The following SMARCC1 variants were observed in gnomAD, a reference collection of about 807,000 sequenced individuals.
SMARCC1 encodes the protein SWI/SNF complex subunit SMARCC1.
In SMARCC1, 43 loss-of-function variants were observed where a neutral mutation model predicts 147.4. The ratio of observed to expected loss-of-function variants is 0.29; its 90% CI spans 0.23 to 0.38. The LOEUF (loss-of-function observed/expected upper bound fraction) is 0.38, where lower values mean the gene tolerates loss of function less well. SMARCC1 is among the 10% of genes least tolerant of loss of function. The pLI is 1.00. For synonymous variants in SMARCC1, 495 were observed against 484.4 expected (o/e 1.02, Z -0.29); for missense variants, 1,119 against 1,381.1 (o/e 0.81, Z 3.01).
At chr3:47,707,235 C>A (rs1245478301) in intron 9 of SMARCC1, among the ~76,000 whole-genome samples, 1 of 151,906 alleles carries the variant, frequency 6.6e-6, no homozygotes, top group Non-Finnish European at 1.5e-5. Flanking sequence ...CTGCTTGAAC[C>A]CGGTAGGCAA....
intron 13 of SMARCC1, 61 bp downstream of exon 13, chr3:47,689,326 C>G (rs747829951): frequency 8.9e-6 from 12 of 1,342,256 alleles, no homozygotes; most frequent in Admixed American, 6.7e-5. Flanking sequence ...AGTGCTTCTA[C>G]TGTTCGGTAC....
At chr3:47,720,584 A>G (rs2034220283) in intron 7 of SMARCC1, 82 bp downstream of exon 7, 1 of 942,358 alleles carries the variant, frequency 1.1e-6, no homozygotes, top group Admixed American at 2.1e-5. Context: ...AATTGTCACT[A>G]TTCAGAAAAT....
At chr3:47,739,457 T>C (rs1490457723) in intron 3 of SMARCC1, among the ~76,000 whole-genome samples, 1 of 152,150 alleles carries the variant, frequency 6.6e-6, no homozygotes, top group Non-Finnish European at 1.5e-5. Context: ...CTTGAGTAGC[T>C]GGGTCCATAG....
At chr3:47,754,284 C>A (rs535016193) in intron 2 of SMARCC1, among the ~76,000 whole-genome samples, 1 of 151,596 alleles carries the variant, frequency 6.6e-6, no homozygotes, top group Non-Finnish European at 1.5e-5. Flanking sequence ...CTCACTGCAA[C>A]CTCCGCCTCC....
chr3:47,625,295 A>G lies in SMARCC1; in HGVS notation c.2647-2954T>C, dbSNP rs1291724279. Among the ~76,000 whole-genome samples, 6 of 151,746 alleles carry G rather than the reference A, an allele frequency of 4.0e-5. No homozygotes were observed. The South Asian group carries it at 1.2e-3, about 32-fold the overall frequency. Reference sequence around the variant, plus strand: ...GCCAACATGGCAAAATCCCTTCTTTATTTTTCTTTATTTTATTTTTACAAT... The same window carrying G: ...GCCAACATGGCAAAATCCCTTCTTTGTTTTTCTTTATTTTATTTTTACAAT... On this transcript the variant is annotated intron_variant, in intron 24 of 27. Transcript: ENST00000254480.
intron 5 of SMARCC1, among the ~76,000 whole-genome samples, chr3:47,735,318 A>G (rs558040860): frequency 6.6e-6 from 1 of 152,280 alleles, no homozygotes; most frequent in South Asian, 2.1e-4. Flanking sequence ...GCTAAAAGCT[A>G]AAGATGAGGG....
At chr3:47,755,313 T>C (rs1036480167) in intron 2 of SMARCC1, among the ~76,000 whole-genome samples, 15 of 144,310 alleles carry the variant, frequency 1.0e-4, no homozygotes, top group East Asian at 2.2e-4. Context: ...CCATCCTGGC[T>C]AACAAGGTGA....
At chr3:47,626,608 T>C (rs1249948019) in intron 24 of SMARCC1, among the ~76,000 whole-genome samples, 3 of 152,152 alleles carry the variant, frequency 2.0e-5, no homozygotes, top group Admixed American at 1.3e-4. Flanking sequence ...AATTGATACT[T>C]GAGTGGATAC....
At chr3:47,690,248 T>C (rs1236500490) in intron 12 of SMARCC1, among the ~76,000 whole-genome samples, 1 of 152,158 alleles carries the variant, frequency 6.6e-6, no homozygotes, top group East Asian at 1.9e-4. Context: ...ACACCTATAA[T>C]ACCAACACTT....
At chr3:47,610,485 T>C in intron 25 of SMARCC1, 158 bp from the exon 26 acceptor site, 1 of 724,026 alleles carries the variant, frequency 1.4e-6, no homozygotes, top group Non-Finnish European at 2.4e-6. Context: ...ACAAAGGCAT[T>C]ATTTCTTGAG....
At chr3:47,781,518 G>A in intron 1 of SMARCC1, 85 bp downstream of exon 1, 9 of 962,676 alleles carry the variant, frequency 9.3e-6, no homozygotes, top group Non-Finnish European at 1.3e-5. Context: ...GCGGGGGGGA[G>A]GGGCGGCCCG....
chr3:47,699,024 C>T (rs886138745), intron 11 of SMARCC1, among the ~76,000 whole-genome samples: 14 of 152,132 alleles, frequency 9.2e-5, no homozygotes, highest in Admixed American at 1.3e-4. Context: ...ATAACATCCT[C>T]AAAAACAACT....
chr3:47,735,813 C>T (rs1214140518), intron 5 of SMARCC1, among the ~76,000 whole-genome samples: 2 of 147,770 alleles, frequency 1.4e-5, no homozygotes, highest in Non-Finnish European at 3.0e-5. Context: ...CTACAGTGAG[C>T]AAGGATGCTA....
Position 47,610,294 on chromosome 3 carries a change from G to A in SMARCC1, c.2815C>T (p.Arg939Cys), listed in dbSNP as rs760989176. Residue 939 changes from arginine to cysteine, a missense_variant, in exon 26 of 28, where the codon CGC (arginine) becomes TGC (cysteine). Arg to Cys is a radical substitution (Grantham distance 180). Around this residue, in one of 6 missense-constraint regions of SMARCC1, gnomAD observed 42 missense variants for 89.4 expected, o/e 0.47. Transcript: ENST00000254480. ...AGCTGTTCCATGTGGAAGTTTTGGC[G>A]TTCAGTAAGCAACTGCTGCCTCTGT... ...EQQRQQLLTERQNFHMEQLKY... is the reference protein window; with the variant it reads ...EQQRQQLLTECQNFHMEQLKY... 10 of 1,614,190 alleles carry A rather than the reference G, an allele frequency of 6.2e-6. No individual in the cohort carries two copies. Among genetic ancestry groups the A allele is most frequent in the Admixed American group, 1.7e-5 (1 of 60,022 alleles).
intron 6 of SMARCC1, among the ~76,000 whole-genome samples, chr3:47,720,961 C>G (rs981136533): frequency 6.6e-6 from 1 of 152,160 alleles, no homozygotes; most frequent in Non-Finnish European, 1.5e-5. Flanking sequence ...GGTCTACTAT[C>G]CATCACTCTT....
intron 26 of SMARCC1, among the ~76,000 whole-genome samples, chr3:47,606,662 A>G (rs1264874982): frequency 6.6e-6 from 1 of 152,098 alleles, no homozygotes; most frequent in Non-Finnish European, 1.5e-5. Flanking sequence ...CTTCCTCTTA[A>G]AAGTTTATCC....
chr3:47,677,908 C>T (rs748886923), intron 16 of SMARCC1, among the ~76,000 whole-genome samples: 28 of 151,968 alleles, frequency 1.8e-4, no homozygotes, highest in Middle Eastern at 3.2e-3. Context: ...CACAATACTT[C>T]GGGAGGCGGA....
chr3:47,590,947 A>G, intron 26 of SMARCC1, 110 bp from the exon 27 acceptor site: 1 of 910,416 alleles, frequency 1.1e-6, no homozygotes, highest in Middle Eastern at 2.3e-4. Context: ...AAAGGATCTG[A>G]AATATCAACA....
At chr3:47,638,889 C>T (rs1383609351) in intron 21 of SMARCC1, 109 bp from the exon 22 acceptor site, 26 of 772,946 alleles carry the variant, frequency 3.4e-5, no homozygotes, top group East Asian at 7.4e-5. Context: ...TAATACATAA[C>T]GAATATCATA....
Sources: allele counts gnomAD v4.1 joint callset (sites outside exome capture counted in the v4.1 genomes callset), GRCh38; gene constraint gnomAD v4.1.1; regional missense constraint gnomAD v4.1.1; transcripts MANE v1.5; gene names NCBI Gene and HGNC (gene_info 2026-07-23, HGNC 2026-07-21).